FREM2: variants seen among roughly 807,000 people sequenced by gnomAD.
FREM2 encodes the protein FRAS1-related extracellular matrix protein 2.
FREM2 carries 119 observed loss-of-function variants against 219.9 expected under a neutral mutation model. The ratio of observed to expected loss-of-function variants is 0.54; its 90% confidence interval spans 0.47 to 0.63. The LOEUF is 0.63. Among genes scored for constraint, FREM2 ranks in the 30% least tolerant of loss-of-function variants. The pLI is 0.00. For synonymous variants in FREM2, 1,562 were observed against 1,522.8 expected (o/e 1.03, Z -0.60); for missense variants, 4,030 against 3,993.6 (o/e 1.01, Z -0.25).
chr13:38,816,457 A>G (rs1287022788), intron 6 of FREM2, among the ~76,000 whole-genome samples: 2 of 152,216 alleles, frequency 1.3e-5, no homozygotes, highest in African/African-American at 4.8e-5. Context: ...TGATATGCAC[A>G]TTAACGGAAA....
At chr13:38,707,356 ATAGCTATAT>A (rs887448122) in intron 2 of FREM2, among the ~76,000 whole-genome samples, 11 of 152,342 alleles carry the variant, frequency 7.2e-5, no homozygotes, top group African/African-American at 2.2e-4. Flanking sequence ...ATAAAATTAT[ATAGCTATAT>A]TTGGTTTTCA....
rs140871313 is a variant in FREM2, at chr13:38,778,790, T to TA, written c.5642-4271dup. 0.013 allele frequency among the ~76,000 whole-genome samples: 1,898 copies of TA among 151,120 alleles called. 118 individuals are homozygous for TA. In the East Asian group the frequency reaches 0.14, roughly 11 times the overall value. On this transcript the variant is annotated intron_variant, in intron 4 of 23. Coordinates refer to ENST00000280481, the MANE Select transcript of FREM2 (RefSeq NM_207361.6). ...CAAACCTGTACTTGTACCCTGAACT[T>TA]AAAAAAAAAGTTAACAAAAACTCTA...
intron 2 of FREM2, among the ~76,000 whole-genome samples, chr13:38,719,166 C>T (rs984352646): frequency 1.3e-5 from 2 of 152,176 alleles, no homozygotes; most frequent in African/African-American, 4.8e-5. Context: ...AGAGGCTGGC[C>T]ACTTTCCTTG....
intron 4 of FREM2, among the ~76,000 whole-genome samples, chr13:38,781,911 G>A (rs537528434): frequency 3.3e-5 from 5 of 152,140 alleles, no homozygotes; most frequent in Admixed American, 3.3e-4. Context: ...CTAACCTTTT[G>A]TGGAGGGTGT....
Position 38,859,331 on chromosome 13 carries a change from C to A in FREM2, c.7260C>A (p.Ile2420=). 5 of 1,614,196 alleles carry A rather than the reference C, an allele frequency of 3.1e-6. No individual in the cohort carries two copies. The highest frequency in any genetic ancestry group is 1.1e-5 in the South Asian group (1 of 91,086). ...CAGACTACGATAAAACAGGCTCTAT[C>A]TGTGCAAGTGAGAACATCAATGACA... is the stretch of plus-strand genomic sequence containing the variant. ...KYSDYDKTGS[I]CASENINDTL... is the part of the protein sequence containing the mutation. Residue 2420 remains isoleucine (I), a synonymous_variant, in exon 14 of 24, where the codon ATC becomes ATA. Transcript: ENST00000280481.
chr13:38,880,833 G>C lies in FREM2; in HGVS notation c.*46G>C. On this transcript the variant is annotated 3_prime_UTR_variant, in exon 24 of 24. Coordinates refer to ENST00000280481, the MANE Select transcript of FREM2 (RefSeq NM_207361.6). ...CCTTTTCCGTAAGTGCCTCGGAAAA[G>C]ATCACAATGGAACCTTAAATACTTC... 6.2e-7 allele frequency: 1 copy of C among 1,603,184 alleles called. No homozygotes were observed.
At chr13:38,837,720 T>C (rs972657619) in intron 6 of FREM2, among the ~76,000 whole-genome samples, 5 of 152,174 alleles carry the variant, frequency 3.3e-5, no homozygotes, top group African/African-American at 7.2e-5. Flanking sequence ...TTTTTATCTT[T>C]GTTGGTTTAA....
rs1044204099 is a variant in FREM2, at chr13:38,881,836, C to T, written c.*1049C>T. On this transcript the variant is annotated 3_prime_UTR_variant, in exon 24 of 24. Transcript: ENST00000280481. ...CAGATGAGGTTATCCCTCGGAGTAGCGTAATCACACAATAACATTTAGAAC... is the reference window on the plus strand; with the variant it reads ...CAGATGAGGTTATCCCTCGGAGTAGTGTAATCACACAATAACATTTAGAAC... 4 of 152,088 alleles carry T rather than the reference C, an allele frequency of 2.6e-5. No individual in the cohort carries two copies. Among genetic ancestry groups the T allele is most frequent in the Non-Finnish European group, 5.9e-5 (4 of 68,010 alleles). 9.4% of individuals were successfully genotyped at this position (152,088 alleles called of 1,614,324 possible).
In FREM2 at chr13:38,688,154, C is replaced by T. The variant is rs779482351; in HGVS notation, c.810C>T (p.Ala270=). The part of the protein sequence containing the change: ...QELGVRYRHT[A]ASRSPNRDWI... Reference sequence around the variant, plus strand: ...TAGGCGTGCGCTATCGCCACACAGCCGCCAGTCGCTCACCAAACAGGGACT... The same window carrying T: ...TAGGCGTGCGCTATCGCCACACAGCTGCCAGTCGCTCACCAAACAGGGACT... Residue 270 remains alanine (A), a synonymous_variant, in exon 1 of 24, where the codon GCC becomes GCT. Transcript: ENST00000280481. 4 of 1,613,406 alleles carry T rather than the reference C, an allele frequency of 2.5e-6. No homozygotes were observed. The Admixed American group carries it at 5.0e-5, about 20-fold the overall frequency.
chr13:38,732,441 A>G (rs1319956860), intron 2 of FREM2, among the ~76,000 whole-genome samples: 1 of 152,226 alleles, frequency 6.6e-6, no homozygotes, highest in Non-Finnish European at 1.5e-5. Flanking sequence ...TACTTTAGTT[A>G]TGACAGCCAT....
At chr13:38,875,097 CT>C (rs1878296940) in intron 18 of FREM2, among the ~76,000 whole-genome samples, 2 of 151,870 alleles carry the variant, frequency 1.3e-5, no homozygotes, top group Admixed American at 1.3e-4. Context: ...ATTCGCTGTG[CT>C]TTGAATATCA....
intron 4 of FREM2, 49 bp from the exon 5 acceptor site, chr13:38,783,021 G>A: frequency 6.2e-7 from 1 of 1,605,370 alleles, no homozygotes; most frequent in Non-Finnish European, 8.5e-7. Context: ...TGTTTCAGAG[G>A]TAAGAAGCTC....
intron 16 of FREM2, among the ~76,000 whole-genome samples, chr13:38,868,374 C>T (rs1878043280): frequency 4.6e-5 from 7 of 152,204 alleles, no homozygotes; most frequent in Admixed American, 3.9e-4. Context: ...TATTTCCACT[C>T]ATTCTAGCCT....
rs781479051 is a variant in FREM2 at position 38,690,197 on chromosome 13, G to A, written c.2853G>A (p.Glu951=). 8 of 1,614,166 alleles carry A rather than the reference G, an allele frequency of 5.0e-6. No individual in the cohort carries two copies. Among genetic ancestry groups the A allele is most frequent in the Non-Finnish European group, 6.8e-6 (8 of 1,180,030 alleles). The stretch of plus-strand genomic sequence containing the variant: ...TGAGCCATCCTACTGGCACTCTGGA[G>A]TCCTATCTAGATGTCTTAGAAAATG... ...PILSHPTGTL[E]SYLDVLENGA... Residue 951 remains glutamate (E), a synonymous_variant, in exon 1 of 24, where the codon GAG becomes GAA. Transcript: ENST00000280481.
chr13:38,813,613 T>C (rs1158176069), intron 6 of FREM2, among the ~76,000 whole-genome samples: 2 of 132,504 alleles, frequency 1.5e-5, no homozygotes, highest in African/African-American at 2.7e-5. Context: ...CTCTTGCTGC[T>C]TTTAGGATCT....
At position 38,687,170 on chromosome 13, in the gene FREM2, G is replaced by A; in HGVS notation, c.-175G>A. On this transcript the variant is annotated 5_prime_UTR_variant, in exon 1 of 24. Coordinates refer to ENST00000280481, the MANE Select transcript of FREM2 (RefSeq NM_207361.6). ...CTTCGGCTCCTCGGCTGCGGCTCCAGCCCGGACGGCGCCGCGCAACTTTGC... is the reference window on the plus strand; with the variant it reads ...CTTCGGCTCCTCGGCTGCGGCTCCAACCCGGACGGCGCCGCGCAACTTTGC... The A allele has an allele frequency of 2.3e-6, 2 of 878,686 alleles. No individual in the cohort carries two copies. Among genetic ancestry groups the A allele is most frequent in the South Asian group, 3.4e-5 (2 of 59,110 alleles). 54.4% of individuals were successfully genotyped at this position (878,686 alleles called of 1,614,324 possible).
chr13:38,687,356 C>T lies in FREM2; in HGVS notation c.12C>T (p.Ala4=), dbSNP rs759483164. Residue 4 remains alanine (A), a synonymous_variant, in exon 1 of 24, where the codon GCC becomes GCT. Transcript: ENST00000280481. MHS[A]GTPGLSSRRT... ...CGAACACCGGGACCATGCACTCAGC[C>T]GGGACTCCCGGGTTATCCTCGCGCC... 36 of 1,605,610 alleles carry T rather than the reference C, an allele frequency of 2.2e-5. No homozygotes were observed. The South Asian group carries it at 2.7e-4, about 12-fold the overall frequency.
At chr13:38,785,745 T>C (rs1874302182) in intron 6 of FREM2, among the ~76,000 whole-genome samples, 1 of 152,226 alleles carries the variant, frequency 6.6e-6, no homozygotes, top group Non-Finnish European at 1.5e-5. Context: ...GGCTCCTCTG[T>C]ACATTCTTTT....
Position 38,688,858 on chromosome 13 carries a change from A to G in FREM2, c.1514A>G (p.Lys505Arg). 1.2e-6 allele frequency: 2 copies of G among 1,613,704 alleles called. No homozygotes were observed. Among genetic ancestry groups the G allele is most frequent in the African/African-American group, 1.3e-5 (1 of 75,030 alleles). Residue 505 changes from lysine to arginine, a missense_variant, in exon 1 of 24, where the codon AAG becomes AGG. This residue lies in a region of FREM2 where 3,102 missense variants were observed against 2,950.7 expected (regional missense o/e 1.05). Transcript: ENST00000280481. The stretch of plus-strand genomic sequence containing the variant: ...GCTTCCAGTGGCAGCTCTGCTCCCA[A>G]GAGCTTTACAGTGGCTGAGCTGGCA... ...LGASSGSSAP[K>R]SFTVAELAAG...
Sources: allele counts gnomAD v4.1 joint callset (sites outside exome capture counted in the v4.1 genomes callset), GRCh38; gene constraint gnomAD v4.1.1; regional missense constraint gnomAD v4.1.1; transcripts MANE v1.5; gene names NCBI Gene and HGNC (gene_info 2026-07-23, HGNC 2026-07-21).